Variants in AP2M1 observed in about 807,000 individuals in gnomAD.
The protein encoded by AP2M1 is AP-2 complex subunit mu.
In AP2M1, 5 loss-of-function variants were observed where a neutral mutation model predicts 54.5. That is an observed-to-expected ratio of 0.09 (90% CI 0.05 to 0.19). AP2M1 has a LOEUF of 0.19. Ranked by LOEUF, AP2M1 falls within the 10% of genes least tolerant of loss-of-function variation. The probability of loss-of-function intolerance (pLI) is 1.00; values close to 1 mark genes in which losing one functional copy is unlikely to be tolerated. For synonymous variants in AP2M1, 186 were observed against 208.2 expected, an observed-to-expected ratio of 0.89 and a Z score of 0.92; for missense variants, 178 against 580.2, an observed-to-expected ratio of 0.31 and a Z score of 7.12.
rs1418866815 is a variant in AP2M1, at chr3:184,183,627, G to A, written c.*11G>A. On this transcript the variant is annotated 3_prime_UTR_variant, in exon 12 of 12. Transcript: ENST00000292807. This position sits in a 1 kb window ranked among gnomAD's most constrained non-coding sequence, Gnocchi z 5.7. ...GAAACTCGCTGCTAGCTGCCACTAG[G>A]CAGCTAGCCCACCTCCCCAGCCACC... is the stretch of plus-strand genomic sequence containing the variant. 2 of 1,611,130 alleles carry A rather than the reference G, an allele frequency of 1.2e-6. No homozygotes were observed. Among genetic ancestry groups the A allele is most frequent in the Non-Finnish European group, 1.7e-6 (2 of 1,179,272 alleles).
In AP2M1 at chr3:184,183,691, C is replaced by T. The variant is rs1285623848; in HGVS notation, c.*75C>T. The T allele has an allele frequency of 6.6e-7, 1 of 1,509,962 alleles. No individual in the cohort carries two copies. The highest frequency in any genetic ancestry group is 1.4e-5 in the African/African-American group (1 of 72,380). The allele number at this position is 1,509,962 out of a possible 1,614,324, so 93.5% of individuals were successfully genotyped here. A position where few individuals can be genotyped will look rare whatever the true frequency, so the allele number is the denominator to read the frequency against. On this transcript the variant is annotated 3_prime_UTR_variant, in exon 12 of 12. Coordinates refer to ENST00000292807, the MANE Select transcript of AP2M1 (RefSeq NM_004068.4). The surrounding 1 kb of genome is among the most constrained non-coding windows in gnomAD (Gnocchi z 5.7). ...CCAGGTGCCGCTCCCTCCCCCACCACACATCAGTGTCTCCTCCCTCCTGCT... is the reference window on the plus strand; with the variant it reads ...CCAGGTGCCGCTCCCTCCCCCACCATACATCAGTGTCTCCTCCCTCCTGCT...
Position 184,180,306 on chromosome 3 carries a change from AG to A in AP2M1, c.423+56del. On this transcript the variant is annotated intron_variant, in intron 4 of 11. Transcript: ENST00000292807. This position sits in a 1 kb window ranked among gnomAD's most constrained non-coding sequence, Gnocchi z 4.9. ...GTGGAGTCCAATCTCCCTTCATCTC[AG>A]CTGGCCCCTGAGCCTTGTCTGAGCT... 2 of 1,588,348 alleles carry A rather than the reference AG, an allele frequency of 1.3e-6. No individual in the cohort carries two copies. Among genetic ancestry groups the A allele is most frequent in the South Asian group, 2.2e-5 (2 of 89,630 alleles).
intron 3 of AP2M1, chr3:184,179,938 G>A (rs1038876849): frequency 3.5e-5 from 20 of 568,804 alleles, no homozygotes; most frequent in Non-Finnish European, 5.3e-5. Context: ...TGGGATTACA[G>A]GCATGAGCCA....
intron 2 of AP2M1, chr3:184,177,527 C>G: frequency 6.5e-7 from 1 of 1,535,456 alleles, no homozygotes; most frequent in Non-Finnish European, 8.7e-7. Context: ...CAATCCTCTC[C>G]TGCTCCCTTT....
At position 184,178,784 on chromosome 3, in the gene AP2M1, C is replaced by T; in HGVS notation, c.75-73C>T. 13 of 1,554,174 alleles carry T rather than the reference C, an allele frequency of 8.4e-6. No individual in the cohort carries two copies. The highest frequency in any genetic ancestry group is 1.1e-5 in the Non-Finnish European group (12 of 1,142,750). ...GCAGAAAGGAGGGTGGGGCTGTTAG[C>T]AGCTGTGGTTGATCCTTATGGGGTA... On this transcript the variant is annotated intron_variant, in intron 2 of 11. Transcript: ENST00000292807. The surrounding 1 kb of genome is among the most constrained non-coding windows in gnomAD (Gnocchi z 4.9).
In AP2M1 at chr3:184,181,285, T is replaced by C. The variant is rs139739276; in HGVS notation, c.707+59T>C. ...GTCCCTTGGAGGGCTCAGTGGGGTC[T>C]AGTGAACCACAAGTTTCTTCTGGAT... On this transcript the variant is annotated intron_variant, in intron 7 of 11. Transcript: ENST00000292807. This position sits in a 1 kb window ranked among gnomAD's most constrained non-coding sequence, Gnocchi z 5.7. 86 of 1,600,938 alleles carry C rather than the reference T, an allele frequency of 5.4e-5. No homozygotes were observed. The African/African-American group carries it at 9.8e-4, about 18-fold the overall frequency.
In AP2M1 at chr3:184,181,619, C is replaced by G; in HGVS notation, c.708-77C>G. 1 of 1,566,500 alleles carries G rather than the reference C, an allele frequency of 6.4e-7. No homozygotes were observed. The highest frequency in any genetic ancestry group is 1.1e-5 in the South Asian group (1 of 89,674). ...GCTTTTCATAGTCTCTGGTGCCAGC[C>G]TGGGGTGGAGTGGTCTCCCAGCATG... On this transcript the variant is annotated intron_variant, in intron 7 of 11. Transcript: ENST00000292807. This position sits in a 1 kb window ranked among gnomAD's most constrained non-coding sequence, Gnocchi z 5.7.
chr3:184,181,115 G>A lies in AP2M1; in HGVS notation c.596G>A (p.Arg199Gln), dbSNP rs764425106. Residue 199 changes from arginine to glutamine, a missense_variant, in exon 7 of 12, where the codon CGG (arginine) becomes CAG (glutamine). Arg to Gln is a conservative substitution (Grantham distance 43). Around this residue, in one of 5 missense-constraint regions of AP2M1, gnomAD observed 115 missense variants for 331.2 expected, o/e 0.35. Transcript: ENST00000292807. The surrounding 1 kb of genome is among the most constrained non-coding windows in gnomAD (Gnocchi z 5.7). ...GTGCTGAGTGCCCATGTGTCGGGCC[G>A]GGTGGTGATGAAGAGCTACCTGAGT... is the stretch of plus-strand genomic sequence containing the variant. ...GQVLSAHVSG[R>Q]VVMKSYLSGM... 1 of 1,614,124 alleles carries A rather than the reference G, an allele frequency of 6.2e-7. No individual in the cohort carries two copies. The highest frequency in any genetic ancestry group is 8.5e-7 in the Non-Finnish European group (1 of 1,180,018).
Position 184,183,904 on chromosome 3 carries a change from T to G in AP2M1, c.*288T>G. 2 of 358,164 alleles carry G rather than the reference T, an allele frequency of 5.6e-6. No individual in the cohort carries two copies. Among genetic ancestry groups the G allele is most frequent in the African/African-American group, 2.1e-5 (1 of 48,754 alleles). 22.2% of individuals were successfully genotyped at this position (358,164 alleles called of 1,614,324 possible). ...GTGACCAAAGCCAGGTGGGTTCCCT[T>G]TCCTTCCCACCCCTGTGGCCACAGC... On this transcript the variant is annotated 3_prime_UTR_variant, in exon 12 of 12. Coordinates refer to ENST00000292807, the MANE Select transcript of AP2M1 (RefSeq NM_004068.4). The surrounding 1 kb of genome is among the most constrained non-coding windows in gnomAD (Gnocchi z 5.7).
Position 184,182,845 on chromosome 3 carries a change from C to T in AP2M1, c.1150C>T (p.Pro384Ser), listed in dbSNP as rs1715318579. The part of the protein sequence containing the change: ...PTNDKKKWAR[P>S]PISMNFEVPF... Reference sequence around the variant, plus strand: ...CAACGACAAGAAGAAATGGGCTCGACCCCCCATTTCCATGAACTTTGAGGT... The same window carrying T: ...CAACGACAAGAAGAAATGGGCTCGATCCCCCATTTCCATGAACTTTGAGGT... Residue 384 changes from proline (P) to serine (S), a missense_variant, in exon 11 of 12, where the codon CCC becomes TCC. Around this residue, in one of 5 missense-constraint regions of AP2M1, gnomAD observed 59 missense variants for 176.8 expected, o/e 0.33. Coordinates refer to ENST00000292807, the MANE Select transcript of AP2M1 (RefSeq NM_004068.4). This position sits in a 1 kb window ranked among gnomAD's most constrained non-coding sequence, Gnocchi z 5.5. 6.2e-7 allele frequency: 1 copy of T among 1,613,744 alleles called. No individual in the cohort carries two copies. The highest frequency in any genetic ancestry group is 8.5e-7 in the Non-Finnish European group (1 of 1,179,860).
rs377598426 is a variant in AP2M1 at position 184,182,064 on chromosome 3, C to T, written c.963+17C>T. 3.7e-5 allele frequency: 59 copies of T among 1,611,898 alleles called. No individual in the cohort carries two copies. Among genetic ancestry groups the T allele is most frequent in the Non-Finnish European group, 5.0e-5 (59 of 1,178,648 alleles). ...AAGATCGAGGTGAGGACAGGGGGCTCAAGGAGGAGGAAGAACTTGTCCCTA... is the reference window on the plus strand; with the variant it reads ...AAGATCGAGGTGAGGACAGGGGGCTTAAGGAGGAGGAAGAACTTGTCCCTA... On this transcript the variant is annotated intron_variant, in intron 9 of 11. Transcript: ENST00000292807. The surrounding 1 kb of genome is among the most constrained non-coding windows in gnomAD (Gnocchi z 5.5).
rs746882504 is a variant in AP2M1 at position 184,180,477 on chromosome 3, C to G, written c.424-168C>G. The G allele has an allele frequency of 2.6e-5, 31 of 1,177,650 alleles. No individual in the cohort carries two copies. Among genetic ancestry groups the G allele is most frequent in the Non-Finnish European group, 3.6e-5 (30 of 822,028 alleles). 73.0% of individuals were successfully genotyped at this position (1,177,650 alleles called of 1,614,324 possible). On this transcript the variant is annotated intron_variant, in intron 4 of 11. Coordinates refer to ENST00000292807, the MANE Select transcript of AP2M1 (RefSeq NM_004068.4). The surrounding 1 kb of genome is among the most constrained non-coding windows in gnomAD (Gnocchi z 4.9). ...CCAGGAATACAGCTCAAGCAGTTTC[C>G]TTTTGCACTGAGGGGTGGGGGAGGA...
rs1207192401 is a variant in AP2M1, at chr3:184,180,735, A to G, written c.429+85A>G. On this transcript the variant is annotated intron_variant, in intron 5 of 11. Transcript: ENST00000292807. This position sits in a 1 kb window ranked among gnomAD's most constrained non-coding sequence, Gnocchi z 4.9. The stretch of plus-strand genomic sequence containing the variant: ...CTTTGGGGCTTATAGGGGAAAATGG[A>G]TTACAGGTGGGGACTAGAAGGGATG... The G allele has an allele frequency of 3.1e-6, 5 of 1,614,104 alleles. No individual in the cohort carries two copies. The highest frequency in any genetic ancestry group is 4.2e-6 in the Non-Finnish European group (5 of 1,179,970).
chr3:184,181,634 C>T lies in AP2M1; in HGVS notation c.708-62C>T. 6.3e-7 allele frequency: 1 copy of T among 1,595,444 alleles called. No homozygotes were observed. The highest frequency in any genetic ancestry group is 1.1e-5 in the South Asian group (1 of 90,654). On this transcript the variant is annotated intron_variant, in intron 7 of 11. Transcript: ENST00000292807. This position sits in a 1 kb window ranked among gnomAD's most constrained non-coding sequence, Gnocchi z 5.7. The stretch of plus-strand genomic sequence containing the variant: ...TGGTGCCAGCCTGGGGTGGAGTGGT[C>T]TCCCAGCATGACAGCTGTCATTCTC...
Position 184,182,815 on chromosome 3 carries a change from C to T in AP2M1, c.1120C>T (p.Pro374Ser). 1 of 1,614,114 alleles carries T rather than the reference C, an allele frequency of 6.2e-7. No individual in the cohort carries two copies. The highest frequency in any genetic ancestry group is 8.5e-7 in the Non-Finnish European group (1 of 1,180,028). Residue 374 changes from proline to serine, a missense_variant, in exon 11 of 12, where the codon CCT (proline) becomes TCT (serine). Pro to Ser is a moderately conservative substitution (Grantham distance 74, BLOSUM62 -1). Coordinates refer to ENST00000292807, the MANE Select transcript of AP2M1 (RefSeq NM_004068.4). The surrounding 1 kb of genome is among the most constrained non-coding windows in gnomAD (Gnocchi z 5.5). ...GATCAGCGCAGAGATTGAGCTTCTG[C>T]CTACCAACGACAAGAAGAAATGGGC... ...SQISAEIELL[P>S]TNDKKKWARP...
At chr3:184,177,750 T>C (rs750381689) in intron 2 of AP2M1, 3 of 821,050 alleles carry the variant, frequency 3.7e-6, no homozygotes, top group Non-Finnish European at 5.7e-6. Context: ...TGCACGCCCT[T>C]GTTCTTTGCG....
At chr3:184,177,715 C>A in intron 2 of AP2M1, 1 of 1,122,162 alleles carries the variant, frequency 8.9e-7, no homozygotes, top group South Asian at 1.4e-5. Flanking sequence ...AGAGCCACAG[C>A]CTGCCTTCTC....
Position 184,181,314 on chromosome 3 carries a change from A to G in AP2M1, c.707+88A>G. The G allele has an allele frequency of 6.4e-7, 1 of 1,570,468 alleles. No homozygotes were observed. The highest frequency in any genetic ancestry group is 8.7e-7 in the Non-Finnish European group (1 of 1,151,600). ...GAACCACAAGTTTCTTCTGGATTTC[A>G]TTCCCACTGTAATTGCAAACTCTGT... On this transcript the variant is annotated intron_variant, in intron 7 of 11. Coordinates refer to ENST00000292807, the MANE Select transcript of AP2M1 (RefSeq NM_004068.4). The surrounding 1 kb of genome is among the most constrained non-coding windows in gnomAD (Gnocchi z 5.7).
In AP2M1 at chr3:184,178,865, C is replaced by T. The variant is rs1715175238; in HGVS notation, c.83C>T (p.Ala28Val). 6.2e-7 allele frequency: 1 copy of T among 1,613,986 alleles called. No individual in the cohort carries two copies. ...GCACTCTTTTCCCTCAGGAGGAACG[C>T]AGTGGATGCCTTTCGGGTCAATGTT... ...RVYRDDIGRN[A>V]VDAFRVNVIH... Residue 28 changes from alanine to valine, a missense_variant, in exon 3 of 12, where the codon GCA becomes GTA. By Grantham distance (64) the Ala-to-Val change is moderately conservative (BLOSUM62 0). This residue lies in a region of AP2M1 where 115 missense variants were observed against 331.2 expected (regional missense o/e 0.35). Coordinates refer to ENST00000292807, the MANE Select transcript of AP2M1 (RefSeq NM_004068.4). This position sits in a 1 kb window ranked among gnomAD's most constrained non-coding sequence, Gnocchi z 4.9.
Sources: gnomAD v4.1 joint callset for allele counts on GRCh38, gnomAD v4.1.1 for gene constraint, gnomAD v4.1.1 regional missense constraint, Gnocchi (gnomAD v3.1) non-coding constraint, MANE v1.5 for transcripts, NCBI Gene and HGNC (gene_info 2026-07-23, HGNC 2026-07-21) for gene names.